Variants in LMNB2 observed in about 807,000 individuals in gnomAD.
LMNB2 encodes lamin B2.
LMNB2 carries 17 observed loss-of-function variants against 69.3 expected under a neutral mutation model. The ratio of observed to expected loss-of-function variants is 0.25; its 90% CI spans 0.17 to 0.37. The LOEUF (loss-of-function observed/expected upper bound fraction) is 0.37, where lower values mean the gene tolerates loss of function less well. Ranked by LOEUF, LMNB2 falls within the 10% of genes least tolerant of loss-of-function variation. The probability of loss-of-function intolerance (pLI) is 1.00; values close to 1 mark genes in which losing one functional copy is unlikely to be tolerated. For missense variants in LMNB2, 789 were observed against 883.6 expected, an observed-to-expected ratio of 0.89 and a Z score of 1.36; for synonymous variants, 397 against 389.3, an observed-to-expected ratio of 1.02 and a Z score of -0.23.
chr19:2,434,022 C>A lies in LMNB2; in HGVS notation c.1286G>T (p.Gly429Val). 1.9e-6 allele frequency: 3 copies of A among 1,605,314 alleles called. No homozygotes were observed. Among genetic ancestry groups the A allele is most frequent in the Non-Finnish European group, 2.5e-6 (3 of 1,177,218 alleles). ...CTTCCGCTTACTGCGGCCCAGGCGC[C>A]CGGTGGCGGACAAGCTGCCGCTGCT... ...SSSSGSLSAT[G>V]RLGRSKRKRL... is the part of the protein sequence containing the mutation. Residue 429 changes from glycine (G) to valine (V), a missense_variant, in exon 8 of 12, where the codon GGG (glycine) becomes GTG (valine). Coordinates refer to ENST00000325327, the MANE Select transcript of LMNB2 (RefSeq NM_032737.4).
rs1042020513 is a variant in LMNB2, at chr19:2,432,282, G to A, written c.1590+134C>T. On this transcript the variant is annotated intron_variant, in intron 9 of 11. Transcript: ENST00000325327. ...CAGCACATGGAGGTTCTATGACTGCGGCAGCCGCTCTGAGACGGTGCCTGG... is the reference window on the plus strand; with the variant it reads ...CAGCACATGGAGGTTCTATGACTGCAGCAGCCGCTCTGAGACGGTGCCTGG... The A allele has an allele frequency of 5.2e-5, 40 of 770,906 alleles. 1 individual carries two copies. The highest frequency in any genetic ancestry group is 2.0e-4 in the Admixed American group (10 of 49,934). The allele number at this position is 770,906 out of a possible 1,614,324, so 47.8% of individuals were successfully genotyped here. A position where few individuals can be genotyped will look rare whatever the true frequency, so the allele number is the denominator to read the frequency against.
At chr19:2,448,203 C>T (rs993232305) in intron 1 of LMNB2, among the ~76,000 whole-genome samples, 2 of 152,208 alleles carry the variant, frequency 1.3e-5, no homozygotes, top group Non-Finnish European at 2.9e-5. Flanking sequence ...CAGGAAAAAG[C>T]GGCCAGCTCC....
chr19:2,432,302 G>T lies in LMNB2; in HGVS notation c.1590+114C>A, dbSNP rs552408008. 9.2e-5 allele frequency: 80 copies of T among 866,232 alleles called. No homozygotes were observed. The African/African-American group carries it at 1.2e-3, about 13-fold the overall frequency. 53.7% of individuals were successfully genotyped at this position (866,232 alleles called of 1,614,324 possible). A position where few individuals can be genotyped will look rare whatever the true frequency, so the allele number is the denominator to read the frequency against. On this transcript the variant is annotated intron_variant, in intron 9 of 11. Transcript: ENST00000325327. ...ACTGCGGCAGCCGCTCTGAGACGGT[G>T]CCTGGTGCCACCATCATCCCCACCC...
intron 2 of LMNB2, among the ~76,000 whole-genome samples, chr19:2,441,172 C>T (rs540348351): frequency 3.3e-4 from 50 of 152,338 alleles, no homozygotes; most frequent in Admixed American, 1.5e-3. Flanking sequence ...GGTCCCTGGT[C>T]GGGGGTCAGA....
chr19:2,438,531 G>A lies in LMNB2; in HGVS notation c.402C>T (p.Ser134=), dbSNP rs148213507. ...TAAGCTCGCCCTCCCTCTTCTTGGC[G>A]CTGAAAGTCAAGAGGGCAAGTGAGT... is the stretch of plus-strand genomic sequence containing the variant. The part of the protein sequence containing the change: ...LRAELDEVNK[S]AKKREGELTV... The change falls in exon 3 of 12, where the codon AGC becomes AGT. Residue 134 remains serine (S), a splice_region_variant and synonymous_variant. Coordinates refer to ENST00000325327, the MANE Select transcript of LMNB2 (RefSeq NM_032737.4). The A allele has an allele frequency of 2.0e-3, 3,269 of 1,607,628 alleles. No individual in the cohort carries two copies. Among genetic ancestry groups the A allele is most frequent in the Non-Finnish European group, 2.6e-3 (3,014 of 1,177,036 alleles).
At position 2,453,464 on chromosome 19, in the gene LMNB2, C is replaced by G. The variant is rs1172125818; in HGVS notation, c.264+3206G>C. ...GGCCCACATGACGTCCCCCCACCAGCGGCCCCCACCCCAGCAGGCTTCCAA... is the reference window on the plus strand; with the variant it reads ...GGCCCACATGACGTCCCCCCACCAGGGGCCCCCACCCCAGCAGGCTTCCAA... On this transcript the variant is annotated intron_variant, in intron 1 of 11. Transcript: ENST00000325327. The surrounding 1 kb of genome is among the most constrained non-coding windows in gnomAD (Gnocchi z 4.4). 6.6e-6 allele frequency among the ~76,000 whole-genome samples: 1 copy of G among 151,890 alleles called. No homozygotes were observed. The highest frequency in any genetic ancestry group is 1.5e-5 in the Non-Finnish European group (1 of 67,930).
chr19:2,430,978 G>T, intron 11 of LMNB2, 26 bp from the exon 12 acceptor site: 1 of 1,587,424 alleles, frequency 6.3e-7, no homozygotes, highest in Non-Finnish European at 8.6e-7. Flanking sequence ...AAGGAAGGTC[G>T]GCCATGATCA....
intron 4 of LMNB2, among the ~76,000 whole-genome samples, chr19:2,436,449 C>A (rs115242833): frequency 6.6e-6 from 1 of 151,326 alleles, no homozygotes; most frequent in Non-Finnish European, 1.5e-5. Flanking sequence ...AGCTGGCCAC[C>A]TTTGCAGTCA....
intron 1 of LMNB2, among the ~76,000 whole-genome samples, chr19:2,448,502 C>T (rs531762997): frequency 5.3e-5 from 8 of 152,332 alleles, no homozygotes; most frequent in South Asian, 2.1e-4. Context: ...GGCAGCCACA[C>T]GCACAGAGGC....
intron 1 of LMNB2, among the ~76,000 whole-genome samples, chr19:2,454,283 ACT>A (rs1489353935): frequency 7.5e-6 from 1 of 133,626 alleles, no homozygotes; most frequent in African/African-American, 3.0e-5. Flanking sequence ...ACGGAGCGAG[ACT>A]CTATCTCAAA....
chr19:2,434,927 G>C lies in LMNB2; in HGVS notation c.856-14C>G, dbSNP rs370425122. The C allele has an allele frequency of 1.7e-4, 276 of 1,599,070 alleles. No homozygotes were observed. The African/African-American group carries it at 3.6e-3, about 21-fold the overall frequency. On this transcript the variant is annotated splice_polypyrimidine_tract_variant and intron_variant, in intron 5 of 11. Transcript: ENST00000325327. ...GGCGCTGTCCAGCTGTGGGGAGACG[G>C]GCGGGTGAGTGCGGGCGCGGGGCGG...
chr19:2,431,608 C>T lies in LMNB2; in HGVS notation c.1761G>A (p.Glu587=), dbSNP rs750127556. Reference sequence around the variant, plus strand: ...CTTCCTCCTCCTCTTCCTCCCCATTCTCATTCTCACGCATCACCGAGGACT... The same window carrying T: ...CTTCCTCCTCCTCTTCCTCCCCATTTTCATTCTCACGCATCACCGAGGACT... The part of the protein sequence containing the change: ...VKKSSVMREN[E]NGEEEEEEAE... Residue 587 remains glutamate (E), a synonymous_variant, in exon 11 of 12, where the codon GAG becomes GAA. Transcript: ENST00000325327. 3 of 1,614,168 alleles carry T rather than the reference C, an allele frequency of 1.9e-6. No individual in the cohort carries two copies. Among genetic ancestry groups the T allele is most frequent in the Non-Finnish European group, 8.5e-7 (1 of 1,180,002 alleles).
intron 1 of LMNB2, among the ~76,000 whole-genome samples, chr19:2,450,031 C>T (rs1210110991): frequency 3.3e-5 from 5 of 151,824 alleles, no homozygotes; most frequent in Admixed American, 2.0e-4. Context: ...GCCAAGATCA[C>T]GCCACTGCAC....
chr19:2,448,163 C>T (rs1266899562), intron 1 of LMNB2, among the ~76,000 whole-genome samples: 3 of 152,234 alleles, frequency 2.0e-5, no homozygotes, highest in Non-Finnish European at 4.4e-5. Flanking sequence ...CATCTGTGTC[C>T]TGGGAACAGA....
At chr19:2,448,543 C>A (rs778818875) in intron 1 of LMNB2, among the ~76,000 whole-genome samples, 1 of 152,192 alleles carries the variant, frequency 6.6e-6, no homozygotes, top group African/African-American at 2.4e-5. Context: ...ATGTGCACGG[C>A]GGTCCTGTAA....
chr19:2,432,075 G>A lies in LMNB2; in HGVS notation c.1591-173C>T, dbSNP rs733820. Among the ~76,000 whole-genome samples the A allele has an allele frequency of 0.14, 21,834 of 152,098 alleles. 2,059 individuals carry two copies. The highest frequency in any genetic ancestry group is 0.29 in the Admixed American group (4,360 of 15,292). On this transcript the variant is annotated intron_variant, in intron 9 of 11. Transcript: ENST00000325327. ...CCCAGGATACACAAGAAGAGACCAGGGTTCACAGAGGCCAAGGGCTCTTGG... is the reference window on the plus strand; with the variant it reads ...CCCAGGATACACAAGAAGAGACCAGAGTTCACAGAGGCCAAGGGCTCTTGG...
At chr19:2,439,407 C>A (rs578248100) in intron 2 of LMNB2, among the ~76,000 whole-genome samples, 1 of 151,718 alleles carries the variant, frequency 6.6e-6, no homozygotes, top group Non-Finnish European at 1.5e-5. Context: ...TCCAGGGTTC[C>A]GCAGCGTCAC....
chr19:2,434,001 C>T lies in LMNB2; in HGVS notation c.1307G>A (p.Arg436Gln), dbSNP rs374057186. ...SATGRLGRSK[R>Q]KRLEVEEPLG... ...GGGCTCCTCCACCTCCAGCCGCTTC[C>T]GCTTACTGCGGCCCAGGCGCCCGGT... Residue 436 changes from arginine (R) to glutamine (Q), a missense_variant, in exon 8 of 12, where the codon CGG becomes CAG. Physicochemically the swap from Arg to Gln is conservative, Grantham distance 43. This residue lies in a region of LMNB2 where 609 missense variants were observed against 630.9 expected (regional missense o/e 0.97). Coordinates refer to ENST00000325327, the MANE Select transcript of LMNB2 (RefSeq NM_032737.4). 7 of 1,609,370 alleles carry T rather than the reference C, an allele frequency of 4.3e-6. No individual in the cohort carries two copies. The highest frequency in any genetic ancestry group is 5.1e-6 in the Non-Finnish European group (6 of 1,178,994).
chr19:2,444,699 T>A (rs1283661143), intron 1 of LMNB2, among the ~76,000 whole-genome samples, 159 bp from the exon 2 acceptor site: 2 of 152,178 alleles, frequency 1.3e-5, no homozygotes, highest in East Asian at 1.9e-4. Context: ...GTGTTGCCCA[T>A]CTCACAGACA....
Sources: allele counts gnomAD v4.1 joint callset (sites outside exome capture counted in the v4.1 genomes callset), GRCh38; gene constraint gnomAD v4.1.1; regional missense constraint gnomAD v4.1.1; non-coding constraint Gnocchi (gnomAD v3.1); transcripts MANE v1.5; gene names NCBI Gene and HGNC (gene_info 2026-07-23, HGNC 2026-07-21).